RAVER2: variants seen among roughly 807,000 people sequenced by gnomAD.
The protein encoded by RAVER2 is ribonucleoprotein PTB-binding 2.
A neutral mutation model predicts 78.1 loss-of-function variants in RAVER2; 46 were observed. The observed-to-expected ratio is 0.59, with a 90% CI of 0.46 to 0.75. RAVER2 has a LOEUF of 0.75. RAVER2 is among the 30% of genes least tolerant of loss of function. The pLI is 0.00. For synonymous variants in RAVER2, 311 were observed against 313.3 expected (o/e 0.99, Z 0.08); for missense variants, 793 against 837.5 (o/e 0.95, Z 0.66).
rs1651518675 is a variant in RAVER2, at chr1:64,745,869, AG to A, written c.249+453del. 2.0e-5 allele frequency among the ~76,000 whole-genome samples: 3 copies of A among 152,206 alleles called. No individual in the cohort carries two copies. In the South Asian group the frequency reaches 6.2e-4, roughly 32 times the overall value. On this transcript the variant is annotated intron_variant, in intron 1 of 11. Transcript: ENST00000294428. This position sits in a 1 kb window ranked among gnomAD's most constrained non-coding sequence, Gnocchi z 4.3. ...AGTCCCCGGTGCTCGGGAGTGCCATAGGGGGCAGGGGCACGAGAGAGCTGGG... is the reference window on the plus strand; with the variant it reads ...AGTCCCCGGTGCTCGGGAGTGCCATAGGGGCAGGGGCACGAGAGAGCTGGG...
intron 4 of RAVER2, 99 bp downstream of exon 4, chr1:64,781,670 C>T (rs1198784685): frequency 1.8e-6 from 2 of 1,134,098 alleles, no homozygotes; most frequent in African/African-American, 3.1e-5. Context: ...TTGTCGATTG[C>T]ACCATCATTG....
intron 1 of RAVER2, among the ~76,000 whole-genome samples, chr1:64,760,691 T>C (rs146866529): frequency 1.3e-5 from 2 of 152,242 alleles, no homozygotes; most frequent in African/African-American, 2.4e-5. Context: ...AAGGGAGTGA[T>C]GCAATGAGAT....
chr1:64,767,275 GT>G (rs1352490088), intron 1 of RAVER2, among the ~76,000 whole-genome samples: 1 of 151,918 alleles, frequency 6.6e-6, no homozygotes, highest in Non-Finnish European at 1.5e-5. Flanking sequence ...TCGTGGTATT[GT>G]TTTTATAACT....
intron 2 of RAVER2, among the ~76,000 whole-genome samples, chr1:64,773,348 C>T (rs904137634): frequency 3.3e-5 from 5 of 151,950 alleles, no homozygotes; most frequent in Non-Finnish European, 5.9e-5. Context: ...CTACACCCCC[C>T]GACAGGCCCC....
chr1:64,749,813 T>C (rs981530399), intron 1 of RAVER2, among the ~76,000 whole-genome samples: 5 of 152,354 alleles, frequency 3.3e-5, no homozygotes, highest in African/African-American at 9.6e-5. Flanking sequence ...ATATGTGTTA[T>C]TGTATTTCTA....
chr1:64,807,355 A>G, exon 9 of RAVER2: 3 of 1,614,142 alleles, frequency 1.9e-6, no homozygotes, highest in Non-Finnish European at 2.5e-6. Flanking sequence ...GGCAGAAGGA[A>G]ATTTCTCAGG....
At chr1:64,819,120 A>G (rs999196926) in intron 11 of RAVER2, among the ~76,000 whole-genome samples, 5 of 152,136 alleles carry the variant, frequency 3.3e-5, no homozygotes, top group Non-Finnish European at 5.9e-5. Context: ...AAATTACTAG[A>G]TAGTTGAAGA....
chr1:64,749,697 A>T (rs1333493528), intron 1 of RAVER2, among the ~76,000 whole-genome samples: 1 of 152,212 alleles, frequency 6.6e-6, no homozygotes, highest in East Asian at 1.9e-4. Context: ...TAATGTTGCA[A>T]ATGCTGGTTC....
intron 8 of RAVER2, among the ~76,000 whole-genome samples, chr1:64,806,788 C>G (rs1044131910): frequency 1.3e-5 from 2 of 152,102 alleles, no homozygotes; most frequent in Non-Finnish European, 2.9e-5. Flanking sequence ...TTTCAGATAA[C>G]TTTTTAAACT....
intron 11 of RAVER2, among the ~76,000 whole-genome samples, chr1:64,822,412 T>G (rs1347238194): frequency 6.6e-6 from 1 of 152,154 alleles, no homozygotes; most frequent in Non-Finnish European, 1.5e-5. Flanking sequence ...AATGAAAAAT[T>G]TACTACAGCA....
chr1:64,752,739 A>G (rs1393493693), intron 1 of RAVER2, among the ~76,000 whole-genome samples: 2 of 152,194 alleles, frequency 1.3e-5, no homozygotes, highest in Non-Finnish European at 2.9e-5. Flanking sequence ...ACCAAAGCCC[A>G]TCAATACATG....
chr1:64,797,734 C>G (rs1371668826), intron 5 of RAVER2, among the ~76,000 whole-genome samples: 1 of 151,968 alleles, frequency 6.6e-6, no homozygotes, highest in Non-Finnish European at 1.5e-5. Flanking sequence ...TAGCCACCAG[C>G]TTTTAAAAAT....
chr1:64,762,180 A>G (rs554163838), intron 1 of RAVER2, among the ~76,000 whole-genome samples: 10 of 152,382 alleles, frequency 6.6e-5, no homozygotes, highest in African/African-American at 2.4e-4. Flanking sequence ...AAATAACATC[A>G]AAAATGTCAA....
At chr1:64,804,964 G>T (rs911552515) in intron 7 of RAVER2, 27 bp from the exon 8 acceptor site, 2 of 1,604,572 alleles carry the variant, frequency 1.2e-6, no homozygotes, top group African/African-American at 1.3e-5. Flanking sequence ...ATGGCCATGG[G>T]TCTTACCTTT....
chr1:64,802,938 A>C (rs910962914), intron 5 of RAVER2, 38 bp from the exon 6 acceptor site: 5 of 1,421,644 alleles, frequency 3.5e-6, no homozygotes, highest in African/African-American at 2.9e-5. Flanking sequence ...TTTTAATTCC[A>C]TATATAAATT....
chr1:64,802,908 G>A (rs964606901), intron 5 of RAVER2, 68 bp from the exon 6 acceptor site: 24 of 1,041,678 alleles, frequency 2.3e-5, no homozygotes, highest in South Asian at 3.1e-5. Flanking sequence ...TACCCTTTTC[G>A]AAGCTTGGTT....
rs553616719 is a variant in RAVER2, at chr1:64,787,845, C to T, written c.979-1543C>T. Among the ~76,000 whole-genome samples the T allele has an allele frequency of 2.0e-4, 30 of 152,298 alleles. No individual in the cohort carries two copies. The South Asian group carries it at 6.0e-3, about 31-fold the overall frequency. ...GTGGACCCATGCACTCTCATGCTCT[C>T]TGCTGATGTTTACCTTCACATCTTC... On this transcript the variant is annotated intron_variant, in intron 4 of 11. Transcript: ENST00000294428.
rs1475861685 is a variant in RAVER2 at position 64,800,501 on chromosome 1, CA to C, written c.1106-2474del. 2.6e-5 allele frequency among the ~76,000 whole-genome samples: 4 copies of C among 152,092 alleles called. No individual in the cohort carries two copies. The South Asian group carries it at 6.2e-4, about 24-fold the overall frequency. ...ATAAGGGTCTGGCTTCATTCTTTTG[CA>C]TATGAATATTCCGTTTTCCCAGCAT... is the stretch of plus-strand genomic sequence containing the variant. On this transcript the variant is annotated intron_variant, in intron 5 of 11. Transcript: ENST00000294428.
rs115887469 is a variant in RAVER2, at chr1:64,769,345, A to G, written c.316+623A>G. On this transcript the variant is annotated intron_variant, in intron 2 of 11. Transcript: ENST00000294428. ...AAAATGGTAAAAAGGAACATTACAG[A>G]TAAAGATGAAATTCACTTTCTACTA... Among the ~76,000 whole-genome samples, 514 of 152,170 alleles carry G rather than the reference A, an allele frequency of 3.4e-3. 2 individuals are homozygous for G. Among genetic ancestry groups the G allele is most frequent in the African/African-American group, 0.012 (481 of 41,566 alleles).
Sources: gnomAD v4.1 joint callset for allele counts (sites outside exome capture counted in the v4.1 genomes callset) on GRCh38, gnomAD v4.1.1 for gene constraint, Gnocchi (gnomAD v3.1) non-coding constraint, MANE v1.5 for transcripts, NCBI Gene and HGNC (gene_info 2026-07-23, HGNC 2026-07-21) for gene names.